DZIP3: variants seen among roughly 807,000 people sequenced by gnomAD.
DZIP3 encodes DAZ interacting zinc finger protein 3.
DZIP3 carries 118 observed loss-of-function variants against 162.0 expected under a neutral mutation model. The ratio of observed to expected loss-of-function variants is 0.73; its 90% confidence interval spans 0.63 to 0.85. DZIP3 has a LOEUF of 0.85. Among genes scored for constraint, DZIP3 ranks in the 40% least tolerant of loss-of-function variants. The pLI is 0.00. For synonymous variants in DZIP3, 438 were observed against 458.6 expected, an observed-to-expected ratio of 0.96 and a Z score of 0.57; for missense variants, 1,331 against 1,407.0, an observed-to-expected ratio of 0.95 and a Z score of 0.86.
At chr3:108,639,674 C>CTT (rs772744063) in intron 12 of DZIP3, among the ~76,000 whole-genome samples, 18 of 144,562 alleles carry the variant, frequency 1.2e-4, no homozygotes, top group Admixed American at 6.2e-4. Flanking sequence ...CAATTTGTGT[C>CTT]TTTTTTTTTT....
chr3:108,675,918 G>T (rs371971205), intron 25 of DZIP3, 45 bp downstream of exon 25: 68 of 1,531,008 alleles, frequency 4.4e-5, no homozygotes, highest in Non-Finnish European at 5.5e-5. Context: ...TAATGTTATA[G>T]GTGGTGTAAA....
chr3:108,626,313 A>G (rs1390488483), intron 7 of DZIP3, among the ~76,000 whole-genome samples: 1 of 152,210 alleles, frequency 6.6e-6, no homozygotes, highest in Non-Finnish European at 1.5e-5. Flanking sequence ...AGAACTAATA[A>G]TAGTGTAGGG....
intron 5 of DZIP3, among the ~76,000 whole-genome samples, chr3:108,619,326 TTTG>T (rs1306629358): frequency 6.9e-6 from 1 of 144,606 alleles, no homozygotes; most frequent in African/African-American, 2.6e-5. Flanking sequence ...GTGTGTGTGT[TTTG>T]TTTTATATAC....
intron 1 of DZIP3, among the ~76,000 whole-genome samples, chr3:108,591,812 A>G (rs980934057): frequency 2.0e-5 from 3 of 152,098 alleles, no homozygotes; most frequent in African/African-American, 4.8e-5. Context: ...CCTAGGCAAC[A>G]TAGTGAAACG....
rs529312507 is a variant in DZIP3, at chr3:108,600,694, G to A, written c.-72-4641G>A. On this transcript the variant is annotated intron_variant, in intron 1 of 32. Transcript: ENST00000361582. ...GATGATGATTATGATTATGAAAATG[G>A]TGATGATAGGAACACTTATATAGTG... Among the ~76,000 whole-genome samples the A allele has an allele frequency of 7.2e-5, 11 of 152,232 alleles. No homozygotes were observed. In the East Asian group the frequency reaches 1.9e-3, roughly 27 times the overall value.
intron 6 of DZIP3, 30 bp from the exon 7 acceptor site, chr3:108,625,815 G>T: frequency 6.5e-7 from 1 of 1,531,156 alleles, no homozygotes; most frequent in Non-Finnish European, 8.7e-7. Flanking sequence ...GACTTTTACA[G>T]TAGCCAAACC....
intron 10 of DZIP3, among the ~76,000 whole-genome samples, chr3:108,636,401 T>G (rs933858048): frequency 1.3e-4 from 19 of 151,974 alleles, no homozygotes; most frequent in African/African-American, 4.6e-4. Flanking sequence ...TACAGCTACT[T>G]GAAGATTTTG....
At chr3:108,603,323 T>C (rs1428322823) in intron 1 of DZIP3, 1 of 152,164 alleles carries the variant, frequency 6.6e-6, no homozygotes, top group Non-Finnish European at 1.5e-5. Context: ...ATCACAGTTC[T>C]AAAATCCTCA....
intron 19 of DZIP3, among the ~76,000 whole-genome samples, chr3:108,655,167 A>C (rs1213338762): frequency 6.6e-6 from 1 of 152,206 alleles, no homozygotes; most frequent in Non-Finnish European, 1.5e-5. Context: ...TTAAAATGAC[A>C]CATACCTTTA....
chr3:108,622,836 G>GTCTCTCTCTCTCTC (rs368466391), intron 5 of DZIP3, among the ~76,000 whole-genome samples: 1 of 62,840 alleles, frequency 1.6e-5, no homozygotes, highest in African/African-American at 5.9e-5. Flanking sequence ...AACAAACAGA[G>GTCTCTCTCTCTCTC]TCTCTCTCTC....
At chr3:108,642,369 TAC>T (rs1321979780) in intron 12 of DZIP3, 67 bp from the exon 13 acceptor site, 4 of 1,403,106 alleles carry the variant, frequency 2.9e-6, no homozygotes, top group Non-Finnish European at 3.8e-6. Context: ...GCCATGCTCA[TAC>T]TAGAAATCTT....
intron 24 of DZIP3, among the ~76,000 whole-genome samples, chr3:108,675,383 G>A (rs549516027): frequency 1.3e-5 from 2 of 152,118 alleles, no homozygotes; most frequent in East Asian, 3.9e-4. Flanking sequence ...GCTTTTTGAT[G>A]TCAGAGTTAA....
At chr3:108,637,984 G>A (rs1942234231) in intron 12 of DZIP3, among the ~76,000 whole-genome samples, 2 of 152,096 alleles carry the variant, frequency 1.3e-5, no homozygotes, top group Non-Finnish European at 2.9e-5. Context: ...TGTTGCTACT[G>A]AAGTTAGAAG....
intron 8 of DZIP3, 36 bp downstream of exon 8, chr3:108,629,212 A>G (rs754979373): frequency 3.6e-5 from 48 of 1,321,496 alleles, no homozygotes; most frequent in Non-Finnish European, 4.8e-5. Flanking sequence ...TTTATTTGTA[A>G]CTAATCAGAA....
rs1940482999 is a variant in DZIP3 at position 108,608,104 on chromosome 3, G to T, written c.48G>T (p.Glu16Asp). ...DEFFVRHPAVEDQRKEETENK... is the reference protein window; with the variant it reads ...DEFFVRHPAVDDQRKEETENK... Reference sequence around the variant, plus strand: ...TTTAAAATAGGCATCCTGCTGTGGAGGATCAGAGGAAGGAAGAAACTGAGA... The same window carrying T: ...TTTAAAATAGGCATCCTGCTGTGGATGATCAGAGGAAGGAAGAAACTGAGA... The change falls in exon 3 of 33, where the codon GAG (glutamate) becomes GAT (aspartate). Residue 16 changes from glutamate (E) to aspartate (D), a missense_variant. By Grantham distance (45) the Glu-to-Asp change is conservative. Coordinates refer to ENST00000361582, the MANE Select transcript of DZIP3 (RefSeq NM_014648.4). 1.2e-6 allele frequency: 2 copies of T among 1,612,752 alleles called. No individual in the cohort carries two copies. Among genetic ancestry groups the T allele is most frequent in the African/African-American group, 1.3e-5 (1 of 74,836 alleles).
intron 4 of DZIP3, among the ~76,000 whole-genome samples, chr3:108,615,439 C>G (rs1003603917): frequency 6.6e-6 from 1 of 152,042 alleles, no homozygotes; most frequent in Non-Finnish European, 1.5e-5. Flanking sequence ...TATGTAGACA[C>G]TATTTAAAAT....
chr3:108,659,776 C>G (rs1476144846), intron 19 of DZIP3, among the ~76,000 whole-genome samples: 1 of 152,182 alleles, frequency 6.6e-6, no homozygotes, highest in Non-Finnish European at 1.5e-5. Context: ...AGCTGATAAG[C>G]AACTTCAGCA....
intron 18 of DZIP3, among the ~76,000 whole-genome samples, chr3:108,653,419 AAGT>A (rs1942950017): frequency 6.6e-6 from 1 of 150,520 alleles, no homozygotes. Context: ...TAGAGCTACT[AAGT>A]AGTAGGCCAA....
intron 29 of DZIP3, 40 bp from the exon 30 acceptor site, chr3:108,688,553 G>C (rs1459106357): frequency 2.1e-5 from 33 of 1,593,044 alleles, no homozygotes; most frequent in Middle Eastern, 3.4e-4. Context: ...ACTGTTTTAG[G>C]ATAATTCTGA....
Sources: gnomAD v4.1 joint callset for allele counts (sites outside exome capture counted in the v4.1 genomes callset) on GRCh38, gnomAD v4.1.1 for gene constraint, MANE v1.5 for transcripts, NCBI Gene and HGNC (gene_info 2026-07-23, HGNC 2026-07-21) for gene names.